The following RBFOX1 variants were observed in gnomAD, a reference collection of about 807,000 sequenced individuals.
RBFOX1 encodes RNA binding fox-1 homolog 1, also known as RNA binding protein fox-1 homolog 1.
RBFOX1 carries 8 observed loss-of-function variants against 57.7 expected under a neutral mutation model. The observed-to-expected ratio is 0.14, with a 90% CI of 0.08 to 0.25. The LOEUF (loss-of-function observed/expected upper bound fraction) is 0.25, where lower values mean the gene tolerates loss of function less well. Ranked by LOEUF, RBFOX1 falls within the 10% of genes least tolerant of loss-of-function variation. The probability of loss-of-function intolerance (pLI) is 1.00; values close to 1 mark genes in which losing one functional copy is unlikely to be tolerated. For missense variants in RBFOX1, 611 were observed against 548.5 expected, an observed-to-expected ratio of 1.11 and a Z score of -1.14; for synonymous variants, 326 against 222.4, an observed-to-expected ratio of 1.47 and a Z score of -4.15.
intron 3 of RBFOX1, among the ~76,000 whole-genome samples, chr16:5,859,209 A>G (rs1202276658): frequency 6.6e-6 from 1 of 152,122 alleles, no homozygotes; most frequent in Non-Finnish European, 1.5e-5. Context: ...TGTCTCACAA[A>G]CAAAAACAAA....
chr16:7,327,798 A>G (rs2096630629), intron 4 of RBFOX1, among the ~76,000 whole-genome samples: 1 of 135,652 alleles, frequency 7.4e-6, no homozygotes, highest in African/African-American at 3.3e-5. Flanking sequence ...AGATGCCCCC[A>G]TTAAACAATA....
chr16:5,567,360 T>G (rs2046109009), intron 2 of RBFOX1, among the ~76,000 whole-genome samples: 1 of 152,144 alleles, frequency 6.6e-6, no homozygotes, highest in African/African-American at 2.4e-5. Flanking sequence ...CGTGTATCAT[T>G]CTGTACAATG....
At chr16:6,628,464 C>T (rs781766550) in intron 2 of RBFOX1, among the ~76,000 whole-genome samples, 2 of 152,130 alleles carry the variant, frequency 1.3e-5, no homozygotes, top group Admixed American at 1.3e-4. Flanking sequence ...TCATAATATA[C>T]TATATACCCA....
intron 10 of RBFOX1, among the ~76,000 whole-genome samples, chr16:7,621,232 C>T (rs2059267880): frequency 1.3e-5 from 2 of 152,040 alleles, no homozygotes; most frequent in South Asian, 4.2e-4. Context: ...ATTGATAGAC[C>T]TCCACAAATA....
chr16:6,434,357 C>T (rs899944895), intron 2 of RBFOX1, among the ~76,000 whole-genome samples: 2 of 152,092 alleles, frequency 1.3e-5, no homozygotes, highest in Admixed American at 1.3e-4. Flanking sequence ...TCCTTACTGG[C>T]ATGGGTTCCT....
intron 4 of RBFOX1, among the ~76,000 whole-genome samples, chr16:7,452,783 T>C (rs2057630687): frequency 6.6e-6 from 1 of 152,162 alleles, no homozygotes; most frequent in African/African-American, 2.4e-5. Context: ...ACTTAGAGTC[T>C]GGTGAAAGAA....
At chr16:7,557,503 C>A (rs985923299) in intron 5 of RBFOX1, among the ~76,000 whole-genome samples, 1 of 150,574 alleles carries the variant, frequency 6.6e-6, no homozygotes, top group Non-Finnish European at 1.5e-5. Context: ...GCCTGTAATC[C>A]CACCTACTCG....
At chr16:6,331,837 A>G (rs906662589) in intron 2 of RBFOX1, among the ~76,000 whole-genome samples, 17 of 151,194 alleles carry the variant, frequency 1.1e-4, no homozygotes, top group East Asian at 3.9e-4. Flanking sequence ...TTCTTCCCCT[A>G]TTAAAGTTTG....
intron 3 of RBFOX1, among the ~76,000 whole-genome samples, chr16:6,939,594 C>T (rs1421191363): frequency 2.0e-5 from 3 of 151,258 alleles, no homozygotes; most frequent in African/African-American, 7.3e-5. Context: ...TCACTGCAAC[C>T]TCTCCCTCCC....
intron 10 of RBFOX1, among the ~76,000 whole-genome samples, chr16:7,610,198 C>A (rs1358608964): frequency 1.5e-5 from 2 of 136,520 alleles, no homozygotes; most frequent in Non-Finnish European, 3.0e-5. Context: ...CGACTCTCTG[C>A]AACCTCCGCC....
intron 2 of RBFOX1, chr16:6,483,068 C>A (rs2095398493): frequency 3.3e-6 from 3 of 916,960 alleles, no homozygotes; most frequent in Non-Finnish European, 2.6e-6. Flanking sequence ...CAGCTCGGAG[C>A]TTTGCAAGTG....
At chr16:6,998,446 G>A (rs771455132) in intron 3 of RBFOX1, among the ~76,000 whole-genome samples, 12 of 152,148 alleles carry the variant, frequency 7.9e-5, no homozygotes, top group Non-Finnish European at 1.5e-4. Context: ...GGGGATGGGG[G>A]CAGTTGTGTT....
intron 3 of RBFOX1, among the ~76,000 whole-genome samples, chr16:5,820,545 C>G (rs2055811198): frequency 6.6e-6 from 1 of 152,118 alleles, no homozygotes; most frequent in African/African-American, 2.4e-5. Flanking sequence ...CATCATCAGC[C>G]TAACTAATTT....
chr16:5,970,511 G>A (rs550017844), intron 4 of RBFOX1, among the ~76,000 whole-genome samples: 7 of 152,202 alleles, frequency 4.6e-5, no homozygotes, highest in South Asian at 4.2e-4. Context: ...CAGAATGCAC[G>A]CTAATCACAT....
chr16:5,424,936 T>TTC lies in RBFOX1; in HGVS notation c.220-42280_220-42279insTC, dbSNP rs1567490145. Reference sequence around the variant, plus strand: ...CTTTCTTTCTTTCTTTCTTTCTTTCTCTCTCTTCTTTCTTCCTTTGTTTCT... The same window carrying TTC: ...CTTTCTTTCTTTCTTTCTTTCTTTCTTCCTCTCTTCTTTCTTCCTTTGTTTCT... On this transcript the variant is annotated intron_variant, in intron 1 of 2. Transcript: ENST00000585867. Among the ~76,000 whole-genome samples, 773 of 100,766 alleles carry TTC rather than the reference T, an allele frequency of 7.7e-3. 13 individuals are homozygous for TTC. Among genetic ancestry groups the TTC allele is most frequent in the Non-Finnish European group, 0.011 (540 of 47,938 alleles). 66.1% of individuals were successfully genotyped at this position (100,766 alleles called of 152,430 possible).
intron 3 of RBFOX1, among the ~76,000 whole-genome samples, chr16:5,703,004 C>A (rs116899410): frequency 2.2e-4 from 33 of 152,276 alleles, no homozygotes; most frequent in Non-Finnish European, 4.1e-4. Flanking sequence ...TTAAAGCTTC[C>A]TTTCCATTGT....
chr16:5,748,403 G>C (rs1390054462), intron 3 of RBFOX1, among the ~76,000 whole-genome samples: 2 of 152,168 alleles, frequency 1.3e-5, no homozygotes, highest in African/African-American at 2.4e-5. Flanking sequence ...GCTTGGTGCA[G>C]AGCTGAGTTC....
intron 10 of RBFOX1, among the ~76,000 whole-genome samples, chr16:7,628,440 G>C (rs1303300071): frequency 2.6e-5 from 4 of 152,146 alleles, no homozygotes; most frequent in Non-Finnish European, 5.9e-5. Context: ...ACTGACTGTA[G>C]AGGGGACTAA....
At chr16:6,132,663 A>T (rs2096637850) in intron 1 of RBFOX1, among the ~76,000 whole-genome samples, 1 of 152,136 alleles carries the variant, frequency 6.6e-6, no homozygotes, top group South Asian at 2.1e-4. Flanking sequence ...TTAACAGAGG[A>T]AGGAAAAGTG....
Sources: allele counts gnomAD v4.1 joint callset (sites outside exome capture counted in the v4.1 genomes callset), GRCh38; gene constraint gnomAD v4.1.1; transcripts MANE v1.5; gene names NCBI Gene and HGNC (gene_info 2026-07-23, HGNC 2026-07-21).